The following APP variants were observed in gnomAD, a reference collection of about 807,000 sequenced individuals.
APP encodes the protein amyloid-beta precursor protein.
Under a neutral mutation model 101.4 loss-of-function variants are expected in APP, and 31 were observed. The ratio of observed to expected loss-of-function variants is 0.31; its 90% CI spans 0.23 to 0.41. The LOEUF (loss-of-function observed/expected upper bound fraction) is 0.41, where lower values mean the gene tolerates loss of function less well. APP is among the 10% of genes least tolerant of loss of function. The pLI, the probability that APP is intolerant of heterozygous loss-of-function variation, is 1.00. For synonymous variants in APP, 366 were observed against 364.4 expected, an observed-to-expected ratio of 1.00 and a Z score of -0.05; for missense variants, 839 against 1,003.7, an observed-to-expected ratio of 0.84 and a Z score of 2.22.
intron 13 of APP, among the ~76,000 whole-genome samples, chr21:25,918,862 A>G (rs1458650116): frequency 6.7e-6 from 1 of 148,674 alleles, no homozygotes; most frequent in Non-Finnish European, 1.5e-5. Flanking sequence ...GGAAGCTCGA[A>G]CTGGGTGGAG....
intron 1 of APP, among the ~76,000 whole-genome samples, chr21:26,141,964 C>T (rs539773078): frequency 2.4e-4 from 37 of 152,306 alleles, no homozygotes; most frequent in Admixed American, 1.4e-3. Flanking sequence ...GTTAGGTCAC[C>T]TCTGTATGGC....
intron 5 of APP, among the ~76,000 whole-genome samples, chr21:26,048,113 G>A (rs1366705086): frequency 2.0e-5 from 3 of 151,644 alleles, no homozygotes; most frequent in Non-Finnish European, 2.9e-5. Flanking sequence ...TCAGGAGTTC[G>A]AGATCAGCCC....
At chr21:25,928,968 C>A (rs1189176332) in intron 13 of APP, 1 of 152,312 alleles carries the variant, frequency 6.6e-6, no homozygotes, top group African/African-American at 2.4e-5. Flanking sequence ...GATCCACCCG[C>A]CTCGGCCTCC....
chr21:25,950,445 A>G (rs558151173), intron 13 of APP, among the ~76,000 whole-genome samples: 1 of 149,874 alleles, frequency 6.7e-6, no homozygotes, highest in Admixed American at 6.7e-5. Context: ...CAATAGTGCA[A>G]TCTTGGCTCA....
At chr21:26,089,419 T>C (rs892178843) in intron 3 of APP, 1 of 151,962 alleles carries the variant, frequency 6.6e-6, no homozygotes, top group Non-Finnish European at 1.5e-5. Context: ...TTTCCTCCAG[T>C]TTGATGTAAG....
At chr21:26,112,974 T>A (rs2062361502) in intron 1 of APP, among the ~76,000 whole-genome samples, 1 of 152,164 alleles carries the variant, frequency 6.6e-6, no homozygotes, top group Non-Finnish European at 1.5e-5. Flanking sequence ...TGTACAGGCA[T>A]TACCTTTACA....
chr21:25,900,073 T>C (rs989727792), intron 15 of APP, among the ~76,000 whole-genome samples: 1 of 152,214 alleles, frequency 6.6e-6, no homozygotes, highest in Non-Finnish European at 1.5e-5. Context: ...TTTCAACTCA[T>C]TCTGCTGAAA....
intron 14 of APP, among the ~76,000 whole-genome samples, chr21:25,906,379 G>C (rs200793315): frequency 5.3e-5 from 8 of 152,284 alleles, no homozygotes; most frequent in African/African-American, 1.4e-4. Context: ...CTTGGGATGC[G>C]CCACTTCTGT....
chr21:26,160,548 A>C (rs183182975), intron 1 of APP, among the ~76,000 whole-genome samples: 1 of 152,290 alleles, frequency 6.6e-6, no homozygotes, highest in Non-Finnish European at 1.5e-5. Flanking sequence ...AAGCTCTTCA[A>C]ATTGAAAAAT....
At chr21:26,099,584 C>G (rs2062015070) in intron 2 of APP, among the ~76,000 whole-genome samples, 1 of 152,168 alleles carries the variant, frequency 6.6e-6, no homozygotes, top group African/African-American at 2.4e-5. Context: ...ATGTCCTAGA[C>G]AATATATACT....
intron 2 of APP, among the ~76,000 whole-genome samples, chr21:26,103,147 T>C (rs1227607492): frequency 2.0e-5 from 3 of 152,206 alleles, no homozygotes; most frequent in African/African-American, 7.2e-5. Flanking sequence ...TTTGGAAGCA[T>C]ACTTTGTAAT....
chr21:26,042,473 T>C (rs868494686), intron 5 of APP, among the ~76,000 whole-genome samples: 15 of 152,250 alleles, frequency 9.9e-5, no homozygotes, highest in Middle Eastern at 3.2e-3. Context: ...CATCTGGTTA[T>C]TATTTTCTGA....
At chr21:26,019,352 T>C (rs1330123489) in intron 6 of APP, among the ~76,000 whole-genome samples, 2 of 152,178 alleles carry the variant, frequency 1.3e-5, no homozygotes, top group African/African-American at 4.8e-5. Flanking sequence ...GTTTTGCTAG[T>C]CCTGATGACT....
At chr21:26,156,666 A>T (rs2063381430) in intron 1 of APP, among the ~76,000 whole-genome samples, 1 of 152,196 alleles carries the variant, frequency 6.6e-6, no homozygotes, top group Non-Finnish European at 1.5e-5. Context: ...ATATTTTCAG[A>T]TGTATGAAAG....
intron 13 of APP, among the ~76,000 whole-genome samples, chr21:25,935,457 T>A (rs562212248): frequency 5.3e-5 from 8 of 152,328 alleles, no homozygotes; most frequent in Admixed American, 3.3e-4. Flanking sequence ...TAGCTAACAA[T>A]GCTTGGTTAT....
chr21:26,004,971 A>T (rs557988690), intron 6 of APP, among the ~76,000 whole-genome samples: 1 of 152,312 alleles, frequency 6.6e-6, no homozygotes, highest in Admixed American at 6.5e-5. Flanking sequence ...GTCCCTACAA[A>T]GGACGTGAAC....
chr21:26,135,995 C>G (rs1349490839), intron 1 of APP, among the ~76,000 whole-genome samples: 2 of 150,914 alleles, frequency 1.3e-5, no homozygotes, highest in Admixed American at 1.3e-4. Flanking sequence ...AGCCAGGCAT[C>G]GTGGTGCACA....
At chr21:25,969,048 AT>A (rs1226504666) in intron 11 of APP, among the ~76,000 whole-genome samples, 1 of 152,132 alleles carries the variant, frequency 6.6e-6, no homozygotes, top group Non-Finnish European at 1.5e-5. Flanking sequence ...AGAGGAAGGT[AT>A]AAAAGTCCTC....
chr21:25,917,701 A>G (rs1325083312), intron 13 of APP, among the ~76,000 whole-genome samples: 1 of 152,216 alleles, frequency 6.6e-6, no homozygotes, highest in Non-Finnish European at 1.5e-5. Context: ...TTTTCTTCAT[A>G]TAAAGGAGGT....
Sources: gnomAD v4.1 joint callset for allele counts (sites outside exome capture counted in the v4.1 genomes callset) on GRCh38, gnomAD v4.1.1 for gene constraint, MANE v1.5 for transcripts, NCBI Gene and HGNC (gene_info 2026-07-23, HGNC 2026-07-21) for gene names.